The following FAM53A variants were observed in gnomAD, a reference collection of about 807,000 sequenced individuals.
The protein encoded by FAM53A is protein FAM53A.
FAM53A carries 28 observed loss-of-function variants against 26.6 expected under a neutral mutation model. The ratio of observed to expected loss-of-function variants is 1.05; its 90% CI spans 0.78 to 1.45. The LOEUF is 1.45. Among genes scored for constraint, FAM53A ranks in the 40% most tolerant of loss-of-function variants. The pLI, the probability that FAM53A is intolerant of heterozygous loss-of-function variation, is 0.00. For missense variants in FAM53A, 650 were observed against 575.8 expected (o/e 1.13, Z -1.32); for synonymous variants, 290 against 253.1 (o/e 1.15, Z -1.38).
chr4:1,659,474 C>G lies in FAM53A; in HGVS notation c.76-2006G>C, dbSNP rs1268531370. Among the ~76,000 whole-genome samples, 1 of 152,238 alleles carries G rather than the reference C, an allele frequency of 6.6e-6. No homozygotes were observed. Among genetic ancestry groups the G allele is most frequent in the East Asian group, 1.9e-4 (1 of 5,198 alleles). On this transcript the variant is annotated intron_variant, in intron 2 of 4. Coordinates refer to ENST00000308132, the MANE Select transcript of FAM53A (RefSeq NM_001174070.3). The surrounding 1 kb of genome is among the most constrained non-coding windows in gnomAD (Gnocchi z 5.2). ...AAGGAAAGGACTTTCCCAGCCGGCA[C>G]AGATGGCTCTCACGGGCAGCTTGAA...
At chr4:1,673,825 C>T (rs1031688145) in intron 1 of FAM53A, among the ~76,000 whole-genome samples, 10 of 152,266 alleles carry the variant, frequency 6.6e-5, no homozygotes, top group Non-Finnish European at 1.2e-4. Flanking sequence ...GTCAAGGCAG[C>T]AGCTCTGGCA....
At chr4:1,603,539 C>G in the FAM53A span, among the ~76,000 whole-genome samples, 1 of 152,156 alleles carries the variant, frequency 6.6e-6, no homozygotes, top group Non-Finnish European at 1.5e-5. Context: ...GGCACCCCAT[C>G]CCTCTGCCGA....
chr4:1,684,553 C>T (rs1215098805), upstream of FAM53A, among the ~76,000 whole-genome samples: 1 of 151,010 alleles, frequency 6.6e-6, no homozygotes, highest in African/African-American at 2.4e-5. Context: ...CCGCCCCCTG[C>T]GCGCGTGCGT....
chr4:1,615,289 C>T (rs112910072), downstream of FAM53A, among the ~76,000 whole-genome samples: 1,013 of 131,618 alleles, frequency 7.7e-3, 19 homozygotes, highest in African/African-American at 0.027. Flanking sequence ...TGGGCCCACA[C>T]GGAAGACAGG....
chr4:1,655,400 C>A lies in FAM53A; in HGVS notation c.460G>T (p.Asp154Tyr). Residue 154 changes from aspartate (D) to tyrosine (Y), a missense_variant, in exon 4 of 5, where the codon GAC becomes TAC. Coordinates refer to ENST00000308132, the MANE Select transcript of FAM53A (RefSeq NM_001174070.3). ...TGCCGCGTGGCACTCCCGCCGCTGT[C>A]GCACCGCCTCTTGGAGACTGGAGTC... Reference protein sequence around the residue: ...VWTPVSKRRCDSGGSATRQGS... With the variant: ...VWTPVSKRRCYSGGSATRQGS... 1 of 1,470,062 alleles carries A rather than the reference C, an allele frequency of 6.8e-7. No homozygotes were observed. Among genetic ancestry groups the A allele is most frequent in the East Asian group, 2.6e-5 (1 of 39,124 alleles). 91.1% of individuals were successfully genotyped at this position (1,470,062 alleles called of 1,614,324 possible).
chr4:1,646,445 C>CG (rs1712256621), intron 4 of FAM53A, among the ~76,000 whole-genome samples: 1 of 152,140 alleles, frequency 6.6e-6, no homozygotes, highest in South Asian at 2.1e-4. Context: ...GTGACGTCGT[C>CG]GGGGGTATTT....
chr4:1,603,034 CACA>C, the FAM53A span, among the ~76,000 whole-genome samples: 3 of 152,358 alleles, frequency 2.0e-5, no homozygotes, highest in East Asian at 3.9e-4. Context: ...TGGCGCATTT[CACA>C]ACGAGGGCCC....
chr4:1,676,035 G>A (rs1438844437), intron 1 of FAM53A, among the ~76,000 whole-genome samples: 1 of 152,262 alleles, frequency 6.6e-6, no homozygotes, highest in Admixed American at 6.5e-5. Context: ...CACCAAAGCA[G>A]GTTCGATTTT....
At position 1,663,926 on chromosome 4, in the gene FAM53A, G is replaced by A. The variant is rs112453306; in HGVS notation, c.75+4741C>T. ...AGAGGAAACCATAAGGGGCAGGGCA[G>A]TGCTCACTCCAACCAGCAACTCCCA... On this transcript the variant is annotated intron_variant, in intron 2 of 4. Transcript: ENST00000308132. 1.5e-3 allele frequency among the ~76,000 whole-genome samples: 231 copies of A among 152,152 alleles called. 2 individuals are homozygous for A. The highest frequency in any genetic ancestry group is 5.3e-3 in the African/African-American group (222 of 41,496).
Position 1,655,406 on chromosome 4 carries a change from G to T in FAM53A, c.454C>A (p.Arg152=). 1.4e-6 allele frequency: 2 copies of T among 1,477,714 alleles called. No individual in the cohort carries two copies. Among genetic ancestry groups the T allele is most frequent in the Non-Finnish European group, 1.8e-6 (2 of 1,115,494 alleles). 91.5% of individuals were successfully genotyped at this position (1,477,714 alleles called of 1,614,324 possible). The change falls in exon 4 of 5, where the codon CGG becomes AGG. Residue 152 remains arginine, a synonymous_variant. Coordinates refer to ENST00000308132, the MANE Select transcript of FAM53A (RefSeq NM_001174070.3). ...SKVWTPVSKR[R]CDSGGSATRQ... ...GTGGCACTCCCGCCGCTGTCGCACC[G>T]CCTCTTGGAGACTGGAGTCCAGACC...
intron 1 of FAM53A, among the ~76,000 whole-genome samples, chr4:1,621,276 T>A (rs1226121052): frequency 6.6e-6 from 1 of 152,018 alleles, no homozygotes; most frequent in Non-Finnish European, 1.5e-5. Flanking sequence ...GCTAATTTTT[T>A]GTATTTTTTA....
At chr4:1,580,686 C>T in the FAM53A span, among the ~76,000 whole-genome samples, 20 of 146,594 alleles carry the variant, frequency 1.4e-4, no homozygotes, top group Admixed American at 1.3e-3. Flanking sequence ...ACTGAGGACC[C>T]TGCCTCCCGC....
chr4:1,605,409 G>A, the FAM53A span, among the ~76,000 whole-genome samples: 8 of 152,218 alleles, frequency 5.3e-5, no homozygotes, highest in Non-Finnish European at 8.8e-5. This position sits in a 1 kb window ranked among gnomAD's most constrained non-coding sequence, Gnocchi z 5.7. Flanking sequence ...GCCTGGAGTC[G>A]CCCATTCCGC....
chr4:1,679,866 C>T (rs1305817486), intron 1 of FAM53A, among the ~76,000 whole-genome samples: 3 of 148,160 alleles, frequency 2.0e-5, no homozygotes, highest in Non-Finnish European at 4.5e-5. Flanking sequence ...CTGGCCCACA[C>T]ATCGAAACCC....
At chr4:1,621,101 C>CTTTTTTTTTTTTTTTTTTTT (rs574102929) in intron 1 of FAM53A, among the ~76,000 whole-genome samples, 1 of 95,488 alleles carries the variant, frequency 1.0e-5, no homozygotes, top group Admixed American at 1.4e-4. Flanking sequence ...AGCTACGCTA[C>CTTTTTTTTTTTTTTTTTTTT]TTTTTTTTTT....
At chr4:1,607,753 C>T in the FAM53A span, among the ~76,000 whole-genome samples, 1 of 152,112 alleles carries the variant, frequency 6.6e-6, no homozygotes, top group African/African-American at 2.4e-5. Flanking sequence ...CCAGCCTGAT[C>T]AACATGGAGA....
chr4:1,618,777 C>G (rs1714904028), intron 1 of FAM53A, among the ~76,000 whole-genome samples: 1 of 152,196 alleles, frequency 6.6e-6, no homozygotes, highest in South Asian at 2.1e-4. Context: ...TGTGTGCAAC[C>G]CCAGCACCAT....
intron 3 of FAM53A, among the ~76,000 whole-genome samples, chr4:1,656,196 G>A (rs955322498): frequency 1.3e-5 from 2 of 152,122 alleles, no homozygotes; most frequent in African/African-American, 4.8e-5. Flanking sequence ...CGGTCTTCAG[G>A]GAGAGTCTGA....
In FAM53A at chr4:1,632,742, C is replaced by G. The variant is rs370526089; in HGVS notation, c.432-14631G>C. On this transcript the variant is annotated intron_variant, in intron 1 of 1. Transcript: ENST00000489029. The stretch of plus-strand genomic sequence containing the variant: ...TGCACGCCTGTGTATACACACCACG[C>G]AGGCACACACTACACAGTGCTCACA... Among the ~76,000 whole-genome samples, 70 of 152,388 alleles carry G rather than the reference C, an allele frequency of 4.6e-4. 1 individual carries two copies. Among genetic ancestry groups the G allele is most frequent in the African/African-American group, 1.7e-3 (69 of 41,592 alleles).
Sources: allele counts gnomAD v4.1 joint callset (sites outside exome capture counted in the v4.1 genomes callset), GRCh38; gene constraint gnomAD v4.1.1; non-coding constraint Gnocchi (gnomAD v3.1); transcripts MANE v1.5; gene names NCBI Gene and HGNC (gene_info 2026-07-23, HGNC 2026-07-21).